Variants in PLCL2 observed in about 807,000 individuals in gnomAD.
PLCL2 encodes inactive phospholipase C-like protein 2.
A neutral mutation model predicts 79.6 loss-of-function variants in PLCL2; 4 were observed. The ratio of observed to expected loss-of-function variants is 0.05; its 90% CI spans 0.02 to 0.11. The LOEUF (loss-of-function observed/expected upper bound fraction) is 0.11, where lower values mean the gene tolerates loss of function less well. PLCL2 is among the 10% of genes least tolerant of loss of function. The probability of loss-of-function intolerance (pLI) is 1.00; values close to 1 mark genes in which losing one functional copy is unlikely to be tolerated. For missense variants in PLCL2, 895 were observed against 1,291.0 expected (o/e 0.69, Z 4.70); for synonymous variants, 484 against 457.7 (o/e 1.06, Z -0.73).
intron 1 of PLCL2, among the ~76,000 whole-genome samples, chr3:16,966,067 G>A (rs1216104101): frequency 6.6e-6 from 1 of 151,994 alleles, no homozygotes; most frequent in South Asian, 2.1e-4. Flanking sequence ...GAATAGGAGT[G>A]GTGAGAGAGG....
At chr3:16,942,888 A>C (rs1024049667) in intron 1 of PLCL2, among the ~76,000 whole-genome samples, 1 of 152,226 alleles carries the variant, frequency 6.6e-6, no homozygotes, top group African/African-American at 2.4e-5. Flanking sequence ...GTATCTAAAA[A>C]TGATAGTGTT....
chr3:16,904,351 G>A (rs946383193), intron 1 of PLCL2, among the ~76,000 whole-genome samples: 3 of 150,806 alleles, frequency 2.0e-5, no homozygotes, highest in Non-Finnish European at 2.9e-5. Context: ...TAACACTTAC[G>A]TTTACTGGTT....
chr3:16,910,575 A>G (rs183320928), intron 1 of PLCL2, among the ~76,000 whole-genome samples: 17 of 151,864 alleles, frequency 1.1e-4, no homozygotes, highest in South Asian at 2.1e-4. Flanking sequence ...CCTTCTTTCT[A>G]TCTGTTCACA....
chr3:17,046,979 T>A (rs1191358821), intron 4 of PLCL2, among the ~76,000 whole-genome samples: 2 of 152,096 alleles, frequency 1.3e-5, no homozygotes, highest in African/African-American at 4.8e-5. Flanking sequence ...ATGGGGAATT[T>A]AATAGGTGAT....
chr3:17,041,319 T>C (rs1228245266), intron 3 of PLCL2, among the ~76,000 whole-genome samples: 4 of 152,166 alleles, frequency 2.6e-5, no homozygotes, highest in Non-Finnish European at 5.9e-5. Context: ...TTGTATCCTG[T>C]AGGTCAGGTA....
chr3:16,891,208 T>G (rs1345346813), intron 1 of PLCL2, among the ~76,000 whole-genome samples: 1 of 152,212 alleles, frequency 6.6e-6, no homozygotes, highest in Non-Finnish European at 1.5e-5. Flanking sequence ...GCTTCCCTGG[T>G]TCCTTTCTTT....
At chr3:17,074,509 A>G (rs1454775029) in intron 5 of PLCL2, among the ~76,000 whole-genome samples, 1 of 152,214 alleles carries the variant, frequency 6.6e-6, no homozygotes. Flanking sequence ...CAGCTGCATT[A>G]TTCCCTAACA....
intron 1 of PLCL2, among the ~76,000 whole-genome samples, chr3:16,951,269 C>T (rs541624888): frequency 2.6e-5 from 4 of 152,110 alleles, no homozygotes; most frequent in African/African-American, 9.6e-5. Flanking sequence ...ATATCCATCT[C>T]AGTGGTTTTC....
intron 1 of PLCL2, among the ~76,000 whole-genome samples, chr3:16,986,816 G>A (rs1156659326): frequency 6.6e-6 from 1 of 152,100 alleles, no homozygotes; most frequent in Non-Finnish European, 1.5e-5. Flanking sequence ...ACCTATTAGA[G>A]AAACGTAGGA....
chr3:16,973,170 G>A (rs2063891248), intron 1 of PLCL2, among the ~76,000 whole-genome samples: 1 of 152,062 alleles, frequency 6.6e-6, no homozygotes, highest in African/African-American at 2.4e-5. Flanking sequence ...TTGTAAGGCA[G>A]GTCAGGTGAT....
chr3:16,911,746 T>C (rs559055944), intron 1 of PLCL2, among the ~76,000 whole-genome samples: 1 of 152,324 alleles, frequency 6.6e-6, no homozygotes, highest in South Asian at 2.1e-4. Flanking sequence ...CAAATGATCA[T>C]TTATTTGTCC....
At chr3:16,986,280 G>A (rs1021327736) in intron 1 of PLCL2, among the ~76,000 whole-genome samples, 1 of 152,136 alleles carries the variant, frequency 6.6e-6, no homozygotes, top group Non-Finnish European at 1.5e-5. Flanking sequence ...ACAAGGTAAT[G>A]CATATGGTTC....
chr3:17,075,669 T>C (rs2065102840), intron 5 of PLCL2, among the ~76,000 whole-genome samples: 4 of 152,252 alleles, frequency 2.6e-5, no homozygotes, highest in Admixed American at 2.6e-4. Context: ...CCAAATTGCA[T>C]TGTGCCCCTT....
chr3:17,017,539 C>G (rs1346044275), intron 3 of PLCL2, among the ~76,000 whole-genome samples: 1 of 152,040 alleles, frequency 6.6e-6, no homozygotes, highest in Non-Finnish European at 1.5e-5. Flanking sequence ...TCGGACAGCC[C>G]GTAACTCTAA....
intron 5 of PLCL2, among the ~76,000 whole-genome samples, chr3:17,081,948 G>A (rs758640664): frequency 7.2e-5 from 11 of 152,184 alleles, no homozygotes; most frequent in Non-Finnish European, 1.6e-4. Flanking sequence ...AAACCAGAAT[G>A]TGCGAAATCA....
chr3:17,071,322 TTTTTTA>T (rs2065058556), intron 5 of PLCL2, among the ~76,000 whole-genome samples: 1 of 152,194 alleles, frequency 6.6e-6, no homozygotes. Context: ...AGTTTAGTTT[TTTTTTA>T]TTTTGAAGGT....
At chr3:16,979,722 C>T (rs1037794464) in intron 1 of PLCL2, among the ~76,000 whole-genome samples, 1 of 146,216 alleles carries the variant, frequency 6.8e-6, no homozygotes, top group African/African-American at 2.6e-5. Context: ...AATGAAAAGT[C>T]TCCCATGTCT....
chr3:16,980,304 G>T (rs1335952541), intron 1 of PLCL2, among the ~76,000 whole-genome samples: 2 of 149,140 alleles, frequency 1.3e-5, no homozygotes, highest in African/African-American at 4.9e-5. Flanking sequence ...TGGACGGGGC[G>T]GCTGGCCGGG....
intron 1 of PLCL2, among the ~76,000 whole-genome samples, chr3:16,973,311 A>T (rs2124980909): frequency 6.6e-6 from 1 of 150,814 alleles, no homozygotes; most frequent in African/African-American, 2.4e-5. Flanking sequence ...ATATAGGCCC[A>T]CAATCTCTTC....
Sources: allele counts gnomAD v4.1 joint callset (sites outside exome capture counted in the v4.1 genomes callset), GRCh38; gene constraint gnomAD v4.1.1; transcripts MANE v1.5; gene names NCBI Gene and HGNC (gene_info 2026-07-23, HGNC 2026-07-21).